QPCT: variants seen among roughly 807,000 people sequenced by gnomAD.
The protein encoded by QPCT is EC.
In QPCT, 44 loss-of-function variants were observed where a neutral mutation model predicts 43.4. That is an observed-to-expected ratio of 1.01 (90% CI 0.80 to 1.30). The LOEUF (loss-of-function observed/expected upper bound fraction) is 1.30, where lower values mean the gene tolerates loss of function less well. Ranked by LOEUF, QPCT falls within the 50% of genes most tolerant of loss-of-function variation. QPCT has a pLI of 0.00. For missense variants in QPCT, 526 were observed against 436.5 expected (o/e 1.21, Z -1.83); for synonymous variants, 168 against 168.4 (o/e 1.00, Z 0.02).
At chr2:37,347,187 T>C (rs1672516165) in intron 1 of QPCT, among the ~76,000 whole-genome samples, 1 of 93,326 alleles carries the variant, frequency 1.1e-5, no homozygotes, top group Admixed American at 1.5e-4. Flanking sequence ...ATAACATATA[T>C]ATATAACATA....
chr2:37,367,234 T>C lies in QPCT; in HGVS notation c.549T>C (p.Thr183=). 1 of 1,610,712 alleles carries C rather than the reference T, an allele frequency of 6.2e-7. No individual in the cohort carries two copies. Among genetic ancestry groups the C allele is most frequent in the Non-Finnish European group, 8.5e-7 (1 of 1,178,678 alleles). The change falls in exon 4 of 7, where the codon ACT becomes ACC. Residue 183 remains threonine (T), a splice_region_variant and synonymous_variant. Coordinates refer to ENST00000338415, the MANE Select transcript of QPCT (RefSeq NM_012413.4). ...GTTTTTATTGTTGTTTTTACCAGAC[T>C]GTTTCAGACTCCAAGCCAGATTTGT... ...ALDKKLLSLK[T]VSDSKPDLSL...
At chr2:37,368,629 T>C (rs530717076) in intron 4 of QPCT, 19 of 471,190 alleles carry the variant, frequency 4.0e-5, no homozygotes, top group South Asian at 1.4e-4. Flanking sequence ...CTGTTATCCA[T>C]TGGCAGCTCC....
intron 3 of QPCT, among the ~76,000 whole-genome samples, chr2:37,360,603 C>A (rs993195262): frequency 1.4e-4 from 21 of 152,274 alleles, no homozygotes; most frequent in Admixed American, 3.9e-4. Flanking sequence ...CCGCTCAGAG[C>A]TTTATGAAGG....
intron 2 of QPCT, among the ~76,000 whole-genome samples, chr2:37,356,753 T>C (rs1394946313): frequency 6.6e-6 from 1 of 152,112 alleles, no homozygotes; most frequent in Non-Finnish European, 1.5e-5. Flanking sequence ...CATGCCTGTA[T>C]TCCCAGCACT....
chr2:37,370,191 G>GA (rs1205694634), intron 5 of QPCT, among the ~76,000 whole-genome samples: 3 of 150,106 alleles, frequency 2.0e-5, no homozygotes, highest in Non-Finnish European at 4.4e-5. Context: ...TCTCAAAAAA[G>GA]AAAAAAAAAT....
chr2:37,363,659 T>TAAA (rs58100358), intron 3 of QPCT, among the ~76,000 whole-genome samples: 2 of 79,442 alleles, frequency 2.5e-5, no homozygotes, highest in Non-Finnish European at 7.4e-5. Context: ...TTTTAAAATG[T>TAAA]AAAAAAAAAA....
intron 1 of QPCT, 138 bp from the exon 2 acceptor site, chr2:37,352,651 G>C (rs1672645003): frequency 9.1e-7 from 1 of 1,104,588 alleles, no homozygotes; most frequent in East Asian, 2.5e-5. Flanking sequence ...CAATTTTAAA[G>C]TTGAGTAGTT....
At chr2:37,368,630 T>C (rs1175997513) in intron 4 of QPCT, 2 of 471,180 alleles carry the variant, frequency 4.2e-6, no homozygotes, top group Admixed American at 4.7e-5. Context: ...TGTTATCCAT[T>C]GGCAGCTCCT....
intron 4 of QPCT, among the ~76,000 whole-genome samples, chr2:37,367,892 T>C (rs1267163237): frequency 2.0e-5 from 3 of 152,014 alleles, no homozygotes; most frequent in Non-Finnish European, 4.4e-5. Flanking sequence ...AAAGAAAAAT[T>C]GCTGGTTAGA....
intron 1 of QPCT, among the ~76,000 whole-genome samples, chr2:37,345,310 G>A (rs1672461008): frequency 1.3e-5 from 1 of 76,300 alleles, no homozygotes. Flanking sequence ...CTGCTGGGGC[G>A]CTGAAGTGTC....
intron 1 of QPCT, among the ~76,000 whole-genome samples, chr2:37,350,412 C>G (rs1672595983): frequency 6.6e-6 from 1 of 152,196 alleles, no homozygotes; most frequent in African/African-American, 2.4e-5. Flanking sequence ...TGTTTGGGAG[C>G]TGGCATGAGG....
chr2:37,349,299 T>C (rs1170026262), intron 1 of QPCT, among the ~76,000 whole-genome samples: 1 of 152,240 alleles, frequency 6.6e-6, no homozygotes, highest in African/African-American at 2.4e-5. Context: ...TCTAGATTCA[T>C]AAGCATCAAT....
intron 4 of QPCT, chr2:37,368,495 C>T (rs975722885): frequency 1.2e-5 from 5 of 428,844 alleles, no homozygotes; most frequent in Middle Eastern, 3.4e-4. Flanking sequence ...AGCTTATTCC[C>T]AGCACCCCCG....
At chr2:37,370,166 C>G (rs576721975) in intron 5 of QPCT, among the ~76,000 whole-genome samples, 1 of 152,010 alleles carries the variant, frequency 6.6e-6, no homozygotes, top group South Asian at 2.1e-4. Context: ...GCCTGGGTGA[C>G]AGGGTGAGGC....
At chr2:37,359,493 A>C in intron 2 of QPCT, 87 bp from the exon 3 acceptor site, 1 of 1,246,920 alleles carries the variant, frequency 8.0e-7, no homozygotes, top group Admixed American at 2.4e-5. Context: ...TTAATTTGAA[A>C]GGCACTACTT....
chr2:37,359,966 T>C lies in QPCT; in HGVS notation c.546+108T>C, dbSNP rs1672829767. 7 of 1,142,870 alleles carry C rather than the reference T, an allele frequency of 6.1e-6. No individual in the cohort carries two copies. In the East Asian group the frequency reaches 1.7e-4, roughly 27 times the overall value. 70.8% of individuals were successfully genotyped at this position (1,142,870 alleles called of 1,614,324 possible). On this transcript the variant is annotated intron_variant, in intron 3 of 6. Coordinates refer to ENST00000338415, the MANE Select transcript of QPCT (RefSeq NM_012413.4). The stretch of plus-strand genomic sequence containing the variant: ...GAGAAGGCCATTTAGAAATGGAGAC[T>C]TTTGGTACATTTTTATTATGAACAT...
Position 37,344,829 on chromosome 2 carries a change from C to A in QPCT, c.98C>A (p.Ala33Asp). The A allele has an allele frequency of 6.2e-7, 1 of 1,603,532 alleles. No individual in the cohort carries two copies. The highest frequency in any genetic ancestry group is 8.5e-7 in the Non-Finnish European group (1 of 1,175,670). ...GCATCCAGGGGGGTCAGTCCGAGTG[C>A]CTCAGCCTGGCCAGAGGAGAAGGTG... ...PWASRGVSPS[A>D]SAWPEEKNYH... Residue 33 changes from alanine to aspartate, a missense_variant, in exon 1 of 7, where the codon GCC becomes GAC. Ala to Asp is a moderately radical substitution (Grantham distance 126). Coordinates refer to ENST00000338415, the MANE Select transcript of QPCT (RefSeq NM_012413.4).
chr2:37,366,146 G>A lies in QPCT; in HGVS notation c.547-1086G>A, dbSNP rs564200695. On this transcript the variant is annotated intron_variant, in intron 3 of 6. Transcript: ENST00000338415. ...TGGGGGTGAAGGACCATGAAAAGGT[G>A]AAACATTCAGTAGATTAGGGGTTCC... Among the ~76,000 whole-genome samples, 19 of 151,368 alleles carry A rather than the reference G, an allele frequency of 1.3e-4. No individual in the cohort carries two copies. The South Asian group carries it at 3.8e-3, about 30-fold the overall frequency.
At chr2:37,357,249 A>G (rs960204610) in intron 2 of QPCT, among the ~76,000 whole-genome samples, 1 of 150,174 alleles carries the variant, frequency 6.7e-6, no homozygotes, top group Non-Finnish European at 1.5e-5. Flanking sequence ...GGAGCATTTT[A>G]TCATCTGGAT....
Sources: allele counts gnomAD v4.1 joint callset (sites outside exome capture counted in the v4.1 genomes callset), GRCh38; gene constraint gnomAD v4.1.1; transcripts MANE v1.5; gene names NCBI Gene and HGNC (gene_info 2026-07-23, HGNC 2026-07-21).